SH3BGRL2: variants seen among roughly 807,000 people sequenced by gnomAD.
SH3BGRL2 encodes SH3 domain-binding glutamic acid-rich-like protein 2.
In SH3BGRL2, 21 loss-of-function variants were observed where a neutral mutation model predicts 14.8. The observed-to-expected ratio is 1.42, with a 90% CI of 1.01 to 2.05. The LOEUF (loss-of-function observed/expected upper bound fraction) is 2.05. Ranked by LOEUF, SH3BGRL2 falls within the 30% of genes most tolerant of loss-of-function variation. The pLI is 0.00. For synonymous variants in SH3BGRL2, 50 were observed against 47.8 expected (o/e 1.05, Z -0.19); for missense variants, 147 against 130.8 (o/e 1.12, Z -0.61).
intron 1 of SH3BGRL2, among the ~76,000 whole-genome samples, chr6:79,644,298 T>A (rs1341230779): frequency 6.6e-6 from 1 of 151,096 alleles, no homozygotes; most frequent in Non-Finnish European, 1.5e-5. Flanking sequence ...GAGGCCAGAG[T>A]TGGGTTTGTT....
chr6:79,560,300 T>G, the SH3BGRL2 span, among the ~76,000 whole-genome samples: 1 of 152,210 alleles, frequency 6.6e-6, no homozygotes, highest in Non-Finnish European at 1.5e-5. Context: ...CTAGAAGGAT[T>G]ATTAACCTAC....
chr6:79,668,562 T>C (rs1051271858), intron 1 of SH3BGRL2, among the ~76,000 whole-genome samples: 5 of 151,990 alleles, frequency 3.3e-5, no homozygotes, highest in East Asian at 3.9e-4. Context: ...TCAAAGCACA[T>C]CTGAGGGAGG....
chr6:79,690,273 T>G (rs1480035094), intron 2 of SH3BGRL2, among the ~76,000 whole-genome samples: 4 of 152,196 alleles, frequency 2.6e-5, no homozygotes, highest in African/African-American at 4.8e-5. Context: ...ATTACAGATG[T>G]GAACCACCCC....
the SH3BGRL2 span, among the ~76,000 whole-genome samples, chr6:79,581,915 C>A: frequency 1.3e-5 from 2 of 152,126 alleles, no homozygotes; most frequent in Admixed American, 1.3e-4. Context: ...TCTCCTTAAG[C>A]TGATAAGCAA....
intron 2 of SH3BGRL2, among the ~76,000 whole-genome samples, chr6:79,694,361 G>T (rs1048100657): frequency 3.3e-5 from 5 of 152,182 alleles, no homozygotes; most frequent in Admixed American, 1.3e-4. Flanking sequence ...GTTTTGAACA[G>T]AATTATTTAT....
the SH3BGRL2 span, among the ~76,000 whole-genome samples, chr6:79,598,012 C>G: frequency 1.3e-5 from 2 of 152,214 alleles, no homozygotes; most frequent in African/African-American, 2.4e-5. Context: ...GGATACTCAA[C>G]ATCACTAGCC....
At chr6:79,647,477 T>C (rs1465179552) in intron 1 of SH3BGRL2, among the ~76,000 whole-genome samples, 1 of 152,156 alleles carries the variant, frequency 6.6e-6, no homozygotes, top group Non-Finnish European at 1.5e-5. Context: ...ATGAATATCT[T>C]CTATTGTCCA....
chr6:79,559,739 C>T, the SH3BGRL2 span, among the ~76,000 whole-genome samples: 2 of 152,126 alleles, frequency 1.3e-5, no homozygotes, highest in African/African-American at 4.8e-5. Context: ...CACCCTTATT[C>T]TTAGAGAATA....
At chr6:79,598,072 A>G in the SH3BGRL2 span, among the ~76,000 whole-genome samples, 1 of 152,216 alleles carries the variant, frequency 6.6e-6, no homozygotes, top group African/African-American at 2.4e-5. Context: ...TTCACATGGA[A>G]TTACTATAAT....
chr6:79,685,003 C>G (rs959630036), intron 2 of SH3BGRL2, among the ~76,000 whole-genome samples: 5 of 152,130 alleles, frequency 3.3e-5, no homozygotes, highest in African/African-American at 1.2e-4. Context: ...AGCTGCATGC[C>G]CGGAAGCACA....
chr6:79,559,458 C>T, the SH3BGRL2 span, among the ~76,000 whole-genome samples: 1 of 152,084 alleles, frequency 6.6e-6, no homozygotes, highest in African/African-American at 2.4e-5. Flanking sequence ...AAACATTAGA[C>T]AAACCCCAAA....
At chr6:79,646,764 G>C (rs1769152339) in intron 1 of SH3BGRL2, among the ~76,000 whole-genome samples, 1 of 152,112 alleles carries the variant, frequency 6.6e-6, no homozygotes, top group African/African-American at 2.4e-5. Flanking sequence ...GCCTCTTCTG[G>C]ACATTTCATG....
chr6:79,649,137 G>A (rs1769229220), intron 1 of SH3BGRL2, among the ~76,000 whole-genome samples: 1 of 152,212 alleles, frequency 6.6e-6, no homozygotes, highest in Admixed American at 6.5e-5. Flanking sequence ...GAAGCTCTGA[G>A]AAGTGACAGC....
chr6:79,679,368 A>T (rs1159642251), intron 2 of SH3BGRL2, among the ~76,000 whole-genome samples: 2 of 149,202 alleles, frequency 1.3e-5, no homozygotes, highest in African/African-American at 2.5e-5. Flanking sequence ...ATTAGTAATG[A>T]TGAACATTTT....
the SH3BGRL2 span, among the ~76,000 whole-genome samples, chr6:79,626,191 G>A: frequency 6.6e-6 from 1 of 152,198 alleles, no homozygotes; most frequent in African/African-American, 2.4e-5. Context: ...GCTGAGGCAG[G>A]AGGATTGCTT....
chr6:79,662,309 C>T (rs1225137157), intron 1 of SH3BGRL2, among the ~76,000 whole-genome samples: 3 of 152,152 alleles, frequency 2.0e-5, no homozygotes, highest in African/African-American at 4.8e-5. Flanking sequence ...ATGTTTAGTG[C>T]TTCCTTTAGG....
At chr6:79,569,633 C>G in the SH3BGRL2 span, among the ~76,000 whole-genome samples, 646 of 152,212 alleles carry the variant, frequency 4.2e-3, 8 homozygotes, top group African/African-American at 0.015. Context: ...TCCAACGTTC[C>G]CATCCTGTCT....
At chr6:79,573,776 G>A in the SH3BGRL2 span, 11 of 151,948 alleles carry the variant, frequency 7.2e-5, no homozygotes, top group Non-Finnish European at 1.6e-4. Flanking sequence ...CTGATGTAGA[G>A]GAATGCAATT....
intron 2 of SH3BGRL2, among the ~76,000 whole-genome samples, chr6:79,679,706 T>C (rs1769952980): frequency 6.6e-6 from 1 of 152,146 alleles, no homozygotes; most frequent in African/African-American, 2.4e-5. Flanking sequence ...CCTACCAACA[T>C]TGCAGAGAGG....
Sources: gnomAD v4.1 joint callset for allele counts (sites outside exome capture counted in the v4.1 genomes callset) on GRCh38, gnomAD v4.1.1 for gene constraint, MANE v1.5 for transcripts, NCBI Gene and HGNC (gene_info 2026-07-23, HGNC 2026-07-21) for gene names.